RAPGEF2: variants seen among roughly 807,000 people sequenced by gnomAD.
The protein encoded by RAPGEF2 is Rap guanine nucleotide exchange factor 2.
Under a neutral mutation model 186.7 loss-of-function variants are expected in RAPGEF2, and 54 were observed. The observed-to-expected ratio is 0.29, with a 90% CI of 0.23 to 0.36. The LOEUF (loss-of-function observed/expected upper bound fraction) is 0.36. Among genes scored for constraint, RAPGEF2 ranks in the 10% least tolerant of loss-of-function variants. The pLI is 1.00. For missense variants in RAPGEF2, 1,532 were observed against 2,045.0 expected, an observed-to-expected ratio of 0.75 and a Z score of 4.84; for synonymous variants, 712 against 705.9, an observed-to-expected ratio of 1.01 and a Z score of -0.14.
intron 4 of RAPGEF2, among the ~76,000 whole-genome samples, chr4:159,223,428 G>A (rs1561105084): frequency 6.6e-6 from 1 of 152,138 alleles, no homozygotes; most frequent in Non-Finnish European, 1.5e-5. Flanking sequence ...TAGAATGTAA[G>A]TGTAATTTCC....
chr4:159,348,563 AT>A (rs1198392696), intron 25 of RAPGEF2, among the ~76,000 whole-genome samples: 1 of 152,156 alleles, frequency 6.6e-6, no homozygotes, highest in Non-Finnish European at 1.5e-5. Flanking sequence ...AACACATTGA[AT>A]TATGTGTTTC....
intron 7 of RAPGEF2, among the ~76,000 whole-genome samples, chr4:159,287,141 G>A (rs1760611953): frequency 1.3e-5 from 2 of 151,792 alleles, no homozygotes; most frequent in African/African-American, 4.8e-5. Context: ...CTTTTGACTA[G>A]ATTAAACTTA....
chr4:159,288,651 A>G lies in RAPGEF2; in HGVS notation c.544-15691A>G, dbSNP rs10029668. Among the ~76,000 whole-genome samples, 1,234 of 152,196 alleles carry G rather than the reference A, an allele frequency of 8.1e-3. 13 individuals carry two copies. Among genetic ancestry groups the G allele is most frequent in the African/African-American group, 0.028 (1,163 of 41,530 alleles). On this transcript the variant is annotated intron_variant, in intron 7 of 29. Transcript: ENST00000691494. The stretch of plus-strand genomic sequence containing the variant: ...CAGAGCCTACTTTTTGGTAGGCTTA[A>G]TCCCTACTGCCTGACCCCATTTGTA...
intron 4 of RAPGEF2, among the ~76,000 whole-genome samples, chr4:159,212,800 A>G (rs10014179): frequency 0.12 from 18,843 of 152,232 alleles, 2,396 homozygotes; most frequent in African/African-American, 0.32. Context: ...AACTAAATCC[A>G]TAAGACTGAA....
chr4:159,281,255 G>A (rs1759664860), intron 7 of RAPGEF2, among the ~76,000 whole-genome samples: 1 of 151,942 alleles, frequency 6.6e-6, no homozygotes, highest in South Asian at 2.1e-4. Flanking sequence ...CTCCCAAAAT[G>A]CTGGGATTAC....
intron 1 of RAPGEF2, 100 bp from the exon 2 acceptor site, chr4:159,186,542 C>T (rs2111294176): frequency 2.0e-6 from 1 of 511,726 alleles, no homozygotes; most frequent in East Asian, 3.4e-5. Context: ...TTTAAAAAAG[C>T]TATCCATAGT....
At chr4:159,313,078 G>C (rs1236445900) in intron 8 of RAPGEF2, among the ~76,000 whole-genome samples, 1 of 152,122 alleles carries the variant, frequency 6.6e-6, no homozygotes. Flanking sequence ...AACCTGGGAG[G>C]CAGAGGTTGC....
intron 14 of RAPGEF2, 42 bp from the exon 15 acceptor site, chr4:159,331,588 G>A (rs1320160434): frequency 6.2e-7 from 1 of 1,610,688 alleles, no homozygotes; most frequent in Non-Finnish European, 8.5e-7. Context: ...ATTTTATTCA[G>A]CCTGTTCTTG....
At chr4:159,265,484 T>C (rs1757325867) in intron 7 of RAPGEF2, among the ~76,000 whole-genome samples, 1 of 152,178 alleles carries the variant, frequency 6.6e-6, no homozygotes, top group Admixed American at 6.5e-5. Flanking sequence ...CTTTTGTCTA[T>C]GAAGGAGGCA....
intron 1 of RAPGEF2, among the ~76,000 whole-genome samples, chr4:159,139,376 A>G (rs908252979): frequency 3.9e-5 from 6 of 152,242 alleles, no homozygotes; most frequent in African/African-American, 1.2e-4. Flanking sequence ...AGCCTCTTCT[A>G]TACAGTTTCT....
intron 1 of RAPGEF2, among the ~76,000 whole-genome samples, chr4:159,153,742 T>G (rs138871506): frequency 3.5e-4 from 53 of 152,352 alleles, no homozygotes; most frequent in African/African-American, 1.3e-3. Context: ...CTTTGCTGTT[T>G]CTTTGAGAAA....
At chr4:159,351,216 G>A (rs1163572172) in intron 26 of RAPGEF2, 1 of 1,520,700 alleles carries the variant, frequency 6.6e-7, no homozygotes, top group Non-Finnish European at 8.8e-7. Context: ...GGGTGGGAAA[G>A]AGAGGAATCA....
At chr4:159,282,000 G>A (rs1444575943) in intron 7 of RAPGEF2, among the ~76,000 whole-genome samples, 3 of 152,164 alleles carry the variant, frequency 2.0e-5, no homozygotes, top group African/African-American at 7.2e-5. Flanking sequence ...TGTGACAGTA[G>A]GCAGATTGCT....
intron 1 of RAPGEF2, among the ~76,000 whole-genome samples, chr4:159,125,758 G>GAA (rs11310531): frequency 7.0e-6 from 1 of 141,878 alleles, no homozygotes; most frequent in Non-Finnish European, 1.5e-5. Flanking sequence ...AATCTGTCTC[G>GAA]AAAAAAAAAA....
At chr4:159,124,243 A>G (rs1740037925) in intron 1 of RAPGEF2, among the ~76,000 whole-genome samples, 2 of 151,926 alleles carry the variant, frequency 1.3e-5, no homozygotes, top group African/African-American at 4.8e-5. Flanking sequence ...TTCAGGGCAC[A>G]ATATCTAGTA....
At chr4:159,250,029 T>A (rs1193331978) in intron 7 of RAPGEF2, among the ~76,000 whole-genome samples, 2 of 152,192 alleles carry the variant, frequency 1.3e-5, no homozygotes, top group Non-Finnish European at 2.9e-5. Context: ...AAATTACACA[T>A]AGGCTAAAAA....
chr4:159,273,879 A>G (rs1758507253), intron 7 of RAPGEF2, among the ~76,000 whole-genome samples: 1 of 151,752 alleles, frequency 6.6e-6, no homozygotes, highest in Admixed American at 6.6e-5. Flanking sequence ...TGCTACCTCC[A>G]TCTCCCGGGT....
chr4:159,193,281 CAA>C, intron 3 of RAPGEF2, 25 bp downstream of exon 3: 1 of 1,419,052 alleles, frequency 7.0e-7, no homozygotes, highest in Non-Finnish European at 9.3e-7. Context: ...TTTGTTTGTA[CAA>C]TGTATCTAAT....
chr4:159,235,946 T>C (rs1168799867), intron 4 of RAPGEF2, among the ~76,000 whole-genome samples: 2 of 152,244 alleles, frequency 1.3e-5, no homozygotes, highest in Non-Finnish European at 2.9e-5. Context: ...GCTCAGAGGC[T>C]TTGTCACTGA....
Sources: gnomAD v4.1 joint callset for allele counts (sites outside exome capture counted in the v4.1 genomes callset) on GRCh38, gnomAD v4.1.1 for gene constraint, MANE v1.5 for transcripts, NCBI Gene and HGNC (gene_info 2026-07-23, HGNC 2026-07-21) for gene names.